MYO3A: variants seen among roughly 807,000 people sequenced by gnomAD.
MYO3A encodes the protein myosin-IIIa.
A neutral mutation model predicts 192.7 loss-of-function variants in MYO3A; 180 were observed. The ratio of observed to expected loss-of-function variants is 0.93; its 90% CI spans 0.83 to 1.06. The LOEUF (loss-of-function observed/expected upper bound fraction) is 1.06. MYO3A is among the 50% of genes least tolerant of loss of function. The pLI, the probability that MYO3A is intolerant of heterozygous loss-of-function variation, is 0.00. For missense variants in MYO3A, 1,896 were observed against 1,905.0 expected (o/e 1.00, Z 0.09); for synonymous variants, 628 against 645.3 (o/e 0.97, Z 0.41).
chr10:26,060,300 AATTT>A (rs1285059154), intron 10 of MYO3A, among the ~76,000 whole-genome samples: 18 of 67,930 alleles, frequency 2.6e-4, no homozygotes, highest in Non-Finnish European at 4.4e-4. Flanking sequence ...TAAATAAATA[AATTT>A]AAAAAATACA....
chr10:26,156,126 G>A (rs1377192030), intron 25 of MYO3A, among the ~76,000 whole-genome samples: 2 of 152,160 alleles, frequency 1.3e-5, no homozygotes, highest in African/African-American at 2.4e-5. Context: ...ATGTTCGCAC[G>A]AGTAAAGGAA....
intron 17 of MYO3A, among the ~76,000 whole-genome samples, chr10:26,104,543 T>C (rs909613808): frequency 2.6e-5 from 4 of 152,178 alleles, no homozygotes; most frequent in Non-Finnish European, 5.9e-5. Flanking sequence ...TATATATTTA[T>C]CCTTATACCA....
chr10:26,118,129 A>G (rs1458157122), intron 17 of MYO3A, among the ~76,000 whole-genome samples: 1 of 151,668 alleles, frequency 6.6e-6, no homozygotes, highest in African/African-American at 2.4e-5. Context: ...TGTTGGCTGT[A>G]TGTATGTCTT....
intron 2 of MYO3A, among the ~76,000 whole-genome samples, chr10:25,949,476 G>T (rs1444387067): frequency 6.6e-6 from 1 of 152,052 alleles, no homozygotes; most frequent in Non-Finnish European, 1.5e-5. Context: ...ATGCTTATTT[G>T]CATGACTCAA....
intron 31 of MYO3A, among the ~76,000 whole-genome samples, chr10:26,178,551 T>C (rs1418146399): frequency 7.1e-6 from 1 of 140,540 alleles, no homozygotes; most frequent in East Asian, 2.1e-4. Context: ...AGACTCTGTC[T>C]CAAAAAAAAA....
intron 2 of MYO3A, among the ~76,000 whole-genome samples, chr10:25,941,750 A>G (rs1224598919): frequency 2.6e-5 from 4 of 152,170 alleles, no homozygotes; most frequent in African/African-American, 9.7e-5. Flanking sequence ...CTCTGGATTC[A>G]ACAAAATTCC....
chr10:26,151,218 T>G (rs989798420), intron 23 of MYO3A, among the ~76,000 whole-genome samples: 22 of 152,208 alleles, frequency 1.4e-4, no homozygotes, highest in Non-Finnish European at 2.5e-4. Flanking sequence ...TCACATCTTC[T>G]GTATTCTTAC....
intron 26 of MYO3A, among the ~76,000 whole-genome samples, chr10:26,161,916 G>C (rs148534747): frequency 1.3e-5 from 2 of 152,098 alleles, no homozygotes; most frequent in South Asian, 4.1e-4. Context: ...TTCAGCAAAC[G>C]TTTAGTTGAG....
chr10:25,952,420 C>T, intron 3 of MYO3A, 142 bp downstream of exon 3: 1 of 1,042,522 alleles, frequency 9.6e-7, no homozygotes, highest in Non-Finnish European at 1.4e-6. Flanking sequence ...AAAGAGAAGT[C>T]TACTTATTTG....
At chr10:26,166,641 G>C (rs1841768630) in intron 27 of MYO3A, among the ~76,000 whole-genome samples, 1 of 152,224 alleles carries the variant, frequency 6.6e-6, no homozygotes, top group Non-Finnish European at 1.5e-5. Context: ...CTTTACTTCA[G>C]ATGGTATTGA....
At chr10:26,042,576 A>C (rs1001718980) in intron 10 of MYO3A, among the ~76,000 whole-genome samples, 8 of 152,228 alleles carry the variant, frequency 5.3e-5, no homozygotes, top group African/African-American at 1.9e-4. Flanking sequence ...TCTTCTGCTT[A>C]GTCAAATCTA....
chr10:26,211,597 C>T (rs745527895), intron 34 of MYO3A, among the ~76,000 whole-genome samples: 4 of 151,546 alleles, frequency 2.6e-5, no homozygotes, highest in Non-Finnish European at 2.9e-5. Flanking sequence ...TTAGTTAGCA[C>T]GTATCTAAAC....
At chr10:26,038,262 G>C (rs1199960451) in intron 10 of MYO3A, among the ~76,000 whole-genome samples, 1 of 152,132 alleles carries the variant, frequency 6.6e-6, no homozygotes, top group African/African-American at 2.4e-5. Context: ...TTTTGACAGG[G>C]ATTGCAATTA....
At chr10:26,024,188 CTAT>C (rs1224746233) in intron 9 of MYO3A, 101 bp downstream of exon 9, 1 of 1,125,522 alleles carries the variant, frequency 8.9e-7, no homozygotes, top group African/African-American at 1.6e-5. Context: ...CCAGAGATTT[CTAT>C]TATTTTCTTC....
At chr10:26,011,359 A>C (rs951689876) in intron 6 of MYO3A, among the ~76,000 whole-genome samples, 2 of 152,182 alleles carry the variant, frequency 1.3e-5, no homozygotes, top group Non-Finnish European at 2.9e-5. Flanking sequence ...ACCTGAACCC[A>C]GGAAATTGAG....
At chr10:25,945,210 A>G (rs746086265) in intron 2 of MYO3A, among the ~76,000 whole-genome samples, 59 of 151,626 alleles carry the variant, frequency 3.9e-4, no homozygotes, top group Non-Finnish European at 7.1e-4. Flanking sequence ...GTTTCATTAC[A>G]TTTTGATCAT....
At chr10:25,950,144 C>G (rs1305349268) in intron 2 of MYO3A, among the ~76,000 whole-genome samples, 1 of 152,010 alleles carries the variant, frequency 6.6e-6, no homozygotes, top group Non-Finnish European at 1.5e-5. Flanking sequence ...AAGAAATTGA[C>G]ATTTGAACTG....
intron 4 of MYO3A, among the ~76,000 whole-genome samples, chr10:25,962,967 C>A (rs1469239939): frequency 6.6e-6 from 1 of 152,106 alleles, no homozygotes; most frequent in Non-Finnish European, 1.5e-5. Flanking sequence ...GTGCCTTCAG[C>A]CATAATGAAT....
intron 17 of MYO3A, among the ~76,000 whole-genome samples, chr10:26,111,777 T>C (rs530174052): frequency 1.1e-4 from 17 of 152,334 alleles, no homozygotes; most frequent in African/African-American, 3.8e-4. Flanking sequence ...CTGGCTCTGT[T>C]GGATGCCTGG....
Sources: gnomAD v4.1 joint callset for allele counts (sites outside exome capture counted in the v4.1 genomes callset) on GRCh38, gnomAD v4.1.1 for gene constraint, MANE v1.5 for transcripts, NCBI Gene and HGNC (gene_info 2026-07-23, HGNC 2026-07-21) for gene names.